Variants in KNG1 observed in about 807,000 individuals in gnomAD.
The protein encoded by KNG1 is kininogen 1, also known as kininogen-1.
KNG1 carries 23 observed loss-of-function variants against 47.8 expected under a neutral mutation model. The ratio of observed to expected loss-of-function variants is 0.48; its 90% CI spans 0.35 to 0.68. The LOEUF (loss-of-function observed/expected upper bound fraction) is 0.68, where lower values mean the gene tolerates loss of function less well. Ranked by LOEUF, KNG1 falls within the 30% of genes least tolerant of loss-of-function variation. The pLI is 0.01. For synonymous variants in KNG1, 277 were observed against 277.0 expected (o/e 1.00, Z 0.00); for missense variants, 762 against 790.2 (o/e 0.96, Z 0.43).
rs5030076 is a variant in KNG1 at position 186,739,438 on chromosome 3, G to A, written c.1125+24G>A. On this transcript the variant is annotated intron_variant, in intron 9 of 9. Transcript: ENST00000644859. ...TGGTATGATTCTAATTACAGTCAGC[G>A]TGGGGTCAGTTCTGCTCATTCTGAA... is the stretch of plus-strand genomic sequence containing the variant. 2.0e-3 allele frequency: 2,868 copies of A among 1,454,796 alleles called. 36 individuals are homozygous for A. In the African/African-American group the frequency reaches 0.031, roughly 16 times the overall value. The allele number at this position is 1,454,796 out of a possible 1,614,324, so 90.1% of individuals were successfully genotyped here. A position where few individuals can be genotyped will look rare whatever the true frequency, so the allele number is the denominator to read the frequency against.
chr3:186,725,973 C>T (rs1427262805), intron 4 of KNG1, among the ~76,000 whole-genome samples: 4 of 150,756 alleles, frequency 2.7e-5, no homozygotes, highest in Admixed American at 1.3e-4. Flanking sequence ...CGCTCTGTTG[C>T]CTAGGCTGGA....
At position 186,727,343 on chromosome 3, in the gene KNG1, G is replaced by A. The variant is rs984440255; in HGVS notation, c.671G>A (p.Gly224Asp). ...LTPDCKSLWN[G>D]DTGECTDNAY... ...CCAGACTGCAAGTCCCTTTGGAATG[G>A]TGTAAGTAGGCAAAAATTTAATGAT... is the stretch of plus-strand genomic sequence containing the variant. The change falls in exon 5 of 10, where the codon GGT (glycine) becomes GAT (aspartate). Residue 224 changes from glycine to aspartate, a missense_variant and splice_region_variant. Physicochemically the swap from Gly to Asp is moderately conservative, Grantham distance 94 (BLOSUM62 -1). Transcript: ENST00000644859. The A allele has an allele frequency of 1.9e-6, 3 of 1,564,922 alleles. No individual in the cohort carries two copies. The highest frequency in any genetic ancestry group is 1.7e-5 in the Admixed American group (1 of 59,938).
At chr3:186,723,685 C>T (rs570591241) in intron 3 of KNG1, among the ~76,000 whole-genome samples, 9 of 151,896 alleles carry the variant, frequency 5.9e-5, no homozygotes, top group South Asian at 4.2e-4. Flanking sequence ...GACAGAGTCT[C>T]GCACTGTCGC....
At chr3:186,722,642 A>G (rs1720238297) in intron 3 of KNG1, 121 bp downstream of exon 3, 2 of 790,768 alleles carry the variant, frequency 2.5e-6, no homozygotes, top group African/African-American at 1.7e-5. Flanking sequence ...AGCCATTTGC[A>G]GAGTTAGGGA....
rs947278822 is a variant in KNG1 at position 186,722,217 on chromosome 3, A to G, written c.307-220A>G. 5 of 544,768 alleles carry G rather than the reference A, an allele frequency of 9.2e-6. No homozygotes were observed. The South Asian group carries it at 1.1e-4, about 12-fold the overall frequency. The allele number at this position is 544,768 out of a possible 1,614,324, so 33.7% of individuals were successfully genotyped here. A position where few individuals can be genotyped will look rare whatever the true frequency, so the allele number is the denominator to read the frequency against. ...CAAGCTTTAAAACCTCATCATTTACACTGTCTTTCCTCCAGCATCTCATGA... is the reference window on the plus strand; with the variant it reads ...CAAGCTTTAAAACCTCATCATTTACGCTGTCTTTCCTCCAGCATCTCATGA... On this transcript the variant is annotated intron_variant, in intron 2 of 9. Coordinates refer to ENST00000644859, the MANE Select transcript of KNG1 (RefSeq NM_001102416.3).
chr3:186,732,096 T>C (rs1560066673), intron 6 of KNG1, among the ~76,000 whole-genome samples: 1 of 152,208 alleles, frequency 6.6e-6, no homozygotes, highest in Non-Finnish European at 1.5e-5. Context: ...TGTGCTTTTC[T>C]CATAGTTGGA....
Position 186,739,326 on chromosome 3 carries a change from A to T in KNG1, c.1039-2A>T, listed in dbSNP as rs1720746751. ...TCTTTCGACTTCTGTTTTCATGGAT[A>T]GCAAAGCCTAGATTGCAACGCTGAA... On this transcript the variant is annotated splice_acceptor_variant, in intron 8 of 9. Coordinates refer to ENST00000644859, the MANE Select transcript of KNG1 (RefSeq NM_001102416.3). LOFTEE classifies it high-confidence loss of function. 1 of 1,613,080 alleles carries T rather than the reference A, an allele frequency of 6.2e-7. No homozygotes were observed. Among genetic ancestry groups the T allele is most frequent in the South Asian group, 1.1e-5 (1 of 91,054 alleles).
chr3:186,736,673 AG>A (rs1720676776), intron 7 of KNG1: 1 of 152,240 alleles, frequency 6.6e-6, no homozygotes, highest in African/African-American at 2.4e-5. Flanking sequence ...AATAATATGT[AG>A]ATATATAAGA....
Position 186,742,188 on chromosome 3 carries a change from C to T in KNG1, c.1792C>T (p.Leu598Phe). 6.2e-7 allele frequency: 1 copy of T among 1,614,148 alleles called. No homozygotes were observed. Reference protein sequence around the residue: ...IPDIQIDPNGLSFNPISDFPD... With the variant: ...IPDIQIDPNGFSFNPISDFPD... The stretch of plus-strand genomic sequence containing the variant: ...TGATATCCAGATAGACCCAAATGGC[C>T]TTTCATTTAACCCAATATCAGATTT... Residue 598 changes from leucine to phenylalanine, a missense_variant, in exon 10 of 10, where the codon CTT (leucine) becomes TTT (phenylalanine). Coordinates refer to ENST00000644859, the MANE Select transcript of KNG1 (RefSeq NM_001102416.3).
intron 5 of KNG1, 98 bp from the exon 6 acceptor site, chr3:186,731,447 G>A: frequency 1.4e-6 from 1 of 736,886 alleles, no homozygotes; most frequent in Non-Finnish European, 2.4e-6. Context: ...CAATGATTTG[G>A]AAAGTACACG....
At chr3:186,717,910 C>A (rs1383683941) in intron 1 of KNG1, 173 bp downstream of exon 1, 8 of 539,584 alleles carry the variant, frequency 1.5e-5, no homozygotes, top group Admixed American at 2.5e-5. Context: ...ACCACCACCA[C>A]CACCATCCAC....
At chr3:186,720,633 C>CT in intron 2 of KNG1, 1 of 286,368 alleles carries the variant, frequency 3.5e-6, no homozygotes, top group Non-Finnish European at 6.7e-6. Context: ...AGAACTGGCA[C>CT]TTTCTGCTGT....
intron 2 of KNG1, 100 bp downstream of exon 2, chr3:186,720,315 T>C (rs999520474): frequency 2.6e-6 from 2 of 767,930 alleles, no homozygotes; most frequent in Non-Finnish European, 4.6e-6. Flanking sequence ...AGCCTGTTTA[T>C]GAGAAATGCA....
At chr3:186,720,270 T>A in intron 2 of KNG1, 55 bp downstream of exon 2, 2 of 1,103,324 alleles carry the variant, frequency 1.8e-6, no homozygotes, top group Non-Finnish European at 2.8e-6. Flanking sequence ...CCCTGCCAGA[T>A]TTTTTTACTG....
At chr3:186,725,049 C>G (rs577144389) in intron 3 of KNG1, 39 bp from the exon 4 acceptor site, 1 of 1,607,776 alleles carries the variant, frequency 6.2e-7, no homozygotes, top group Admixed American at 1.7e-5. Context: ...ATGCTGATTG[C>G]GATCATTAAT....
rs1028729209 is a variant in KNG1, at chr3:186,720,365, A to G, written c.306+150A>G. On this transcript the variant is annotated intron_variant, in intron 2 of 9. Transcript: ENST00000644859. ...TGTGTAGAAAAGTCAGATGCTTTAT[A>G]TCTGTGTTCTTGTATAGACAGAAAA... 2.2e-5 allele frequency: 15 copies of G among 679,188 alleles called. No homozygotes were observed. The East Asian group carries it at 3.0e-4, about 13-fold the overall frequency. 42.1% of individuals were successfully genotyped at this position (679,188 alleles called of 1,614,324 possible).
chr3:186,723,173 G>T (rs146024588), intron 3 of KNG1, among the ~76,000 whole-genome samples: 57 of 152,010 alleles, frequency 3.7e-4, no homozygotes, highest in African/African-American at 1.4e-3. Context: ...AGGTACATGT[G>T]AGTGTTTTTT....
intron 1 of KNG1, 102 bp from the exon 2 acceptor site, chr3:186,720,003 C>G (rs1386573250): frequency 9.0e-6 from 7 of 781,314 alleles, no homozygotes; most frequent in Non-Finnish European, 1.6e-5. Flanking sequence ...ATGCTTTGCT[C>G]TCAAGTCAAA....
rs1560072319 is a variant in KNG1 at position 186,743,700 on chromosome 3, TAC to T, written c.*1371_*1372del. 1 of 1,610,806 alleles carries T rather than the reference TAC, an allele frequency of 6.2e-7. No homozygotes were observed. The highest frequency in any genetic ancestry group is 1.1e-5 in the South Asian group (1 of 90,990). On this transcript the variant is annotated 3_prime_UTR_variant, in exon 10 of 10. Transcript: ENST00000644859. Reference sequence around the variant, plus strand: ...CATATTAACTGCGTTTTACTATACTTACAGAGTCACCTAAGGTCCTGCGAGTA... The same window carrying T: ...CATATTAACTGCGTTTTACTATACTTAGAGTCACCTAAGGTCCTGCGAGTA...
Sources: gnomAD v4.1 joint callset for allele counts (sites outside exome capture counted in the v4.1 genomes callset) on GRCh38, gnomAD v4.1.1 for gene constraint, MANE v1.5 for transcripts, NCBI Gene and HGNC (gene_info 2026-07-23, HGNC 2026-07-21) for gene names.